Variants in SPIDR observed in about 807,000 individuals in gnomAD.
SPIDR encodes the protein scaffold protein involved in DNA repair.
A neutral mutation model predicts 104.6 loss-of-function variants in SPIDR; 93 were observed. The ratio of observed to expected loss-of-function variants is 0.89; its 90% CI spans 0.75 to 1.06. The LOEUF (loss-of-function observed/expected upper bound fraction) is 1.06. Ranked by LOEUF, SPIDR falls within the 50% of genes least tolerant of loss-of-function variation. The pLI is 0.00. For missense variants in SPIDR, 1,154 were observed against 1,111.2 expected (o/e 1.04, Z -0.55); for synonymous variants, 431 against 416.9 (o/e 1.03, Z -0.41).
chr8:47,583,123 C>T (rs1028658757), intron 8 of SPIDR, among the ~76,000 whole-genome samples: 2 of 147,304 alleles, frequency 1.4e-5, no homozygotes, highest in African/African-American at 4.9e-5. Flanking sequence ...AGAATGCAAC[C>T]CTGTCTCTAC....
At chr8:47,424,081 A>G (rs1157522629) in intron 7 of SPIDR, among the ~76,000 whole-genome samples, 1 of 152,132 alleles carries the variant, frequency 6.6e-6, no homozygotes, top group African/African-American at 2.4e-5. Context: ...TGTGCCTGCC[A>G]GTGGGTAGCA....
At chr8:47,333,972 T>C (rs2049239316) in intron 5 of SPIDR, among the ~76,000 whole-genome samples, 1 of 152,208 alleles carries the variant, frequency 6.6e-6, no homozygotes, top group African/African-American at 2.4e-5. Flanking sequence ...CAAATTTTGG[T>C]AAGTTGTGTA....
At position 47,600,031 on chromosome 8, in the gene SPIDR, T is replaced by G. The variant is rs367566327; in HGVS notation, c.1544+835T>G. On this transcript the variant is annotated intron_variant, in intron 10 of 19. Transcript: ENST00000297423. Reference sequence around the variant, plus strand: ...CCTCGGCCTCCCAAAGTGCTGGTATTACTGGCGTGAGCCACCACGCCCAGT... The same window carrying G: ...CCTCGGCCTCCCAAAGTGCTGGTATGACTGGCGTGAGCCACCACGCCCAGT... Among the ~76,000 whole-genome samples the G allele has an allele frequency of 3.9e-3, 589 of 152,308 alleles. 3 individuals are homozygous for G. The highest frequency in any genetic ancestry group is 0.022 in the South Asian group (107 of 4,814).
chr8:47,593,196 C>CT (rs897120701), intron 8 of SPIDR, among the ~76,000 whole-genome samples: 15 of 151,316 alleles, frequency 9.9e-5, no homozygotes, highest in East Asian at 3.9e-4. Context: ...AGGTTTTTTA[C>CT]TTTTTTTTTA....
At chr8:47,654,832 C>T (rs1414173704) in intron 10 of SPIDR, among the ~76,000 whole-genome samples, 2 of 152,206 alleles carry the variant, frequency 1.3e-5, no homozygotes, top group East Asian at 3.9e-4. Flanking sequence ...CCCAGTAACT[C>T]GTCATTTAAC....
chr8:47,489,973 A>T (rs1308979702), intron 8 of SPIDR, among the ~76,000 whole-genome samples: 1 of 152,224 alleles, frequency 6.6e-6, no homozygotes, highest in Non-Finnish European at 1.5e-5. Flanking sequence ...CACCCAAAGC[A>T]ATGGCAACAA....
At chr8:47,615,133 G>C (rs114453964) in intron 10 of SPIDR, among the ~76,000 whole-genome samples, 18 of 151,690 alleles carry the variant, frequency 1.2e-4, no homozygotes, top group African/African-American at 4.4e-4. Context: ...TGCAGTGGTG[G>C]GATTATAGCT....
chr8:47,511,050 G>C (rs1190192616), intron 8 of SPIDR: 1 of 902,720 alleles, frequency 1.1e-6, no homozygotes, highest in Admixed American at 1.8e-5. Context: ...ACCACTGCAT[G>C]ATGGCAGCAT....
chr8:47,637,391 G>A (rs2068101255), intron 10 of SPIDR, among the ~76,000 whole-genome samples: 1 of 152,124 alleles, frequency 6.6e-6, no homozygotes, highest in Non-Finnish European at 1.5e-5. Context: ...CCAACATGGT[G>A]AAATCCCTTC....
intron 6 of SPIDR, among the ~76,000 whole-genome samples, chr8:47,403,511 G>A (rs747780190): frequency 2.6e-5 from 4 of 152,018 alleles, no homozygotes; most frequent in South Asian, 4.2e-4. Context: ...GCAAAGTCTT[G>A]GGATACAAAA....
At chr8:47,431,919 G>C (rs958348935) in intron 7 of SPIDR, among the ~76,000 whole-genome samples, 1 of 152,150 alleles carries the variant, frequency 6.6e-6, no homozygotes, top group Non-Finnish European at 1.5e-5. Context: ...CTCTTCATAG[G>C]ATAAATGTGT....
intron 5 of SPIDR, among the ~76,000 whole-genome samples, chr8:47,319,604 A>G (rs1554593035): frequency 6.6e-6 from 1 of 152,214 alleles, no homozygotes. Context: ...CCTAATAGAC[A>G]TCTACAGAAC....
At chr8:47,360,131 A>C (rs1407806064) in intron 5 of SPIDR, among the ~76,000 whole-genome samples, 1 of 150,528 alleles carries the variant, frequency 6.6e-6, no homozygotes, top group African/African-American at 2.4e-5. Flanking sequence ...AGTCCCAGCT[A>C]CTCGGGAGGC....
intron 10 of SPIDR, among the ~76,000 whole-genome samples, chr8:47,639,831 C>A (rs138573964): frequency 0.042 from 6,376 of 151,966 alleles, 432 homozygotes; most frequent in African/African-American, 0.15. Context: ...ATCTGTAGTC[C>A]CAGCTACACG....
chr8:47,368,859 C>T (rs529351693), intron 5 of SPIDR, among the ~76,000 whole-genome samples: 8 of 152,196 alleles, frequency 5.3e-5, no homozygotes, highest in Middle Eastern at 3.4e-3. Context: ...AGGTGAGATA[C>T]GAAGTCCCCA....
At chr8:47,436,312 T>C (rs2068312585) in intron 7 of SPIDR, among the ~76,000 whole-genome samples, 3 of 152,236 alleles carry the variant, frequency 2.0e-5, no homozygotes, top group Non-Finnish European at 4.4e-5. Flanking sequence ...GGCTGTCTTG[T>C]AGCAGTTATG....
intron 3 of SPIDR, among the ~76,000 whole-genome samples, chr8:47,288,743 G>A (rs1586391270): frequency 2.0e-5 from 3 of 152,154 alleles, no homozygotes; most frequent in Non-Finnish European, 1.5e-5. Context: ...TGAACAATAG[G>A]CCACTTCAGT....
At chr8:47,495,840 T>C (rs1278079496) in intron 8 of SPIDR, among the ~76,000 whole-genome samples, 3 of 152,184 alleles carry the variant, frequency 2.0e-5, no homozygotes, top group Admixed American at 2.0e-4. Flanking sequence ...ATCAATTCAC[T>C]GTAAGTTCAA....
chr8:47,374,414 T>TA (rs1563776544), intron 5 of SPIDR, among the ~76,000 whole-genome samples: 2 of 152,162 alleles, frequency 1.3e-5, no homozygotes, highest in Admixed American at 6.5e-5. Context: ...ACTTGTAAAA[T>TA]AAAGACTGTA....
Sources: allele counts gnomAD v4.1 joint callset (sites outside exome capture counted in the v4.1 genomes callset), GRCh38; gene constraint gnomAD v4.1.1; transcripts MANE v1.5; gene names NCBI Gene and HGNC (gene_info 2026-07-23, HGNC 2026-07-21).